NYAP2: variants seen among roughly 807,000 people sequenced by gnomAD.
NYAP2 encodes neuronal tyrosine-phosphorylated phosphoinositide-3-kinase adaptor 2.
A neutral mutation model predicts 50.4 loss-of-function variants in NYAP2; 23 were observed. That is an observed-to-expected ratio of 0.46 (90% CI 0.33 to 0.65). The LOEUF is 0.65. Ranked by LOEUF, NYAP2 falls within the 30% of genes least tolerant of loss-of-function variation. The pLI, the probability that NYAP2 is intolerant of heterozygous loss-of-function variation, is 0.02. For synonymous variants in NYAP2, 394 were observed against 365.2 expected, an observed-to-expected ratio of 1.08 and a Z score of -0.90; for missense variants, 885 against 861.0, an observed-to-expected ratio of 1.03 and a Z score of -0.35.
At chr2:225,542,850 T>C (rs1285523670) in intron 4 of NYAP2, among the ~76,000 whole-genome samples, 5 of 152,118 alleles carry the variant, frequency 3.3e-5, no homozygotes, top group African/African-American at 1.2e-4. Flanking sequence ...GTATTAGTTC[T>C]TCTTTAAATG....
At chr2:225,532,401 T>A (rs1428227172) in intron 4 of NYAP2, among the ~76,000 whole-genome samples, 1 of 152,234 alleles carries the variant, frequency 6.6e-6, no homozygotes, top group Non-Finnish European at 1.5e-5. Flanking sequence ...TGAATTGCTA[T>A]CTATGATTTT....
At chr2:225,536,487 C>T (rs1691352113) in intron 4 of NYAP2, among the ~76,000 whole-genome samples, 3 of 151,602 alleles carry the variant, frequency 2.0e-5, no homozygotes, top group Admixed American at 2.0e-4. Flanking sequence ...CTGATGGGGT[C>T]CTTTGAGCTC....
chr2:225,599,261 C>T (rs571943703), intron 5 of NYAP2, among the ~76,000 whole-genome samples: 9 of 152,066 alleles, frequency 5.9e-5, no homozygotes, highest in East Asian at 5.8e-4. Context: ...ACTGAGGAAG[C>T]GAAAGAAAGA....
chr2:225,625,061 A>AG (rs1693186609), intron 5 of NYAP2, among the ~76,000 whole-genome samples: 1 of 151,082 alleles, frequency 6.6e-6, no homozygotes, highest in Non-Finnish European at 1.5e-5. Flanking sequence ...AAAAAAAAAA[A>AG]AAAAAAAAAA....
At chr2:225,620,423 ACACG>A (rs1479621269) in intron 5 of NYAP2, among the ~76,000 whole-genome samples, 4 of 30,660 alleles carry the variant, frequency 1.3e-4, no homozygotes, top group East Asian at 1.8e-3. Flanking sequence ...ACATGCACGC[ACACG>A]CACGCACACA....
chr2:225,644,267 C>T (rs1282360908), intron 6 of NYAP2, among the ~76,000 whole-genome samples: 1 of 152,186 alleles, frequency 6.6e-6, no homozygotes, highest in African/African-American at 2.4e-5. Context: ...TCATGTCCTT[C>T]ACCCACTTTT....
intron 4 of NYAP2, among the ~76,000 whole-genome samples, chr2:225,526,879 C>T (rs1691160841): frequency 6.6e-6 from 1 of 152,168 alleles, no homozygotes; most frequent in Non-Finnish European, 1.5e-5. Context: ...TCCTGGATTT[C>T]TCTTCCCAGG....
intron 6 of NYAP2, among the ~76,000 whole-genome samples, chr2:225,649,847 T>A (rs1244018051): frequency 6.6e-6 from 1 of 152,308 alleles, no homozygotes; most frequent in East Asian, 1.9e-4. Context: ...GAACTAAAAC[T>A]TGAATAATGA....
chr2:225,674,259 T>C, the NYAP2 span, among the ~76,000 whole-genome samples: 11 of 152,224 alleles, frequency 7.2e-5, no homozygotes, highest in South Asian at 2.3e-3. Flanking sequence ...TTGTGGTATT[T>C]GGAGTTGGGG....
intron 4 of NYAP2, among the ~76,000 whole-genome samples, chr2:225,527,497 A>G (rs1324135981): frequency 7.2e-5 from 11 of 152,046 alleles, no homozygotes; most frequent in Non-Finnish European, 8.8e-5. Flanking sequence ...TCTTTTTATT[A>G]TTTATTTATG....
intron 3 of NYAP2, among the ~76,000 whole-genome samples, chr2:225,512,835 C>A (rs12329260): frequency 1.7e-5 from 1 of 58,748 alleles, no homozygotes; most frequent in Non-Finnish European, 4.1e-5. Context: ...CTCTCTCTCT[C>A]TCTTTCTTTC....
chr2:225,501,827 A>G (rs1690614210), intron 3 of NYAP2, among the ~76,000 whole-genome samples: 1 of 152,140 alleles, frequency 6.6e-6, no homozygotes, highest in Non-Finnish European at 1.5e-5. Flanking sequence ...ACTTGCTACA[A>G]ACAATGCATG....
chr2:225,453,385 G>A (rs185996455), intron 3 of NYAP2, among the ~76,000 whole-genome samples: 1 of 152,240 alleles, frequency 6.6e-6, no homozygotes, highest in East Asian at 1.9e-4. Flanking sequence ...CAAGGGGATT[G>A]GCTCTAAGAT....
chr2:225,473,641 C>A (rs1455373325), intron 3 of NYAP2, among the ~76,000 whole-genome samples: 2 of 152,144 alleles, frequency 1.3e-5, no homozygotes, highest in Non-Finnish European at 2.9e-5. Context: ...CCTTTGCCCA[C>A]TTGTTGATGG....
At chr2:225,520,934 C>A (rs1691042530) in intron 4 of NYAP2, among the ~76,000 whole-genome samples, 1 of 151,438 alleles carries the variant, frequency 6.6e-6, no homozygotes, top group African/African-American at 2.4e-5. Flanking sequence ...TTGTTTGTAT[C>A]CTCTTTTATT....
intron 3 of NYAP2, among the ~76,000 whole-genome samples, chr2:225,451,977 C>T (rs1689661895): frequency 6.6e-6 from 1 of 152,126 alleles, no homozygotes; most frequent in Non-Finnish European, 1.5e-5. Context: ...TATATATACA[C>T]ACACACACAT....
At chr2:225,658,322 C>A (rs1486939019), downstream of NYAP2, among the ~76,000 whole-genome samples, 1 of 152,166 alleles carries the variant, frequency 6.6e-6, no homozygotes, top group African/African-American at 2.4e-5. Context: ...GAACACCCCC[C>A]TAAGTTCACA....
intron 3 of NYAP2, among the ~76,000 whole-genome samples, chr2:225,472,803 T>G (rs182079600): frequency 8.9e-4 from 136 of 152,334 alleles, no homozygotes; most frequent in African/African-American, 3.2e-3. Context: ...TGATTTTCTT[T>G]TTTTTCTTTT....
chr2:225,614,978 G>A (rs1301389537), intron 5 of NYAP2, among the ~76,000 whole-genome samples: 1 of 152,198 alleles, frequency 6.6e-6, no homozygotes, highest in Non-Finnish European at 1.5e-5. Flanking sequence ...TTATCGGGAA[G>A]TTTCCATCTA....
Sources: allele counts gnomAD v4.1 joint callset (sites outside exome capture counted in the v4.1 genomes callset), GRCh38; gene constraint gnomAD v4.1.1; transcripts MANE v1.5; gene names NCBI Gene and HGNC (gene_info 2026-07-23, HGNC 2026-07-21).